Variants in TARBP1 observed in about 807,000 individuals in gnomAD.
TARBP1 encodes the protein tRNA guanosine 2 -O-methyltransferase TARBP1.
Under a neutral mutation model 178.6 loss-of-function variants are expected in TARBP1, and 144 were observed. That is an observed-to-expected ratio of 0.81 (90% CI 0.70 to 0.93). The LOEUF (loss-of-function observed/expected upper bound fraction) is 0.93, where lower values mean the gene tolerates loss of function less well. TARBP1 is among the 40% of genes least tolerant of loss of function. The pLI, the probability that TARBP1 is intolerant of heterozygous loss-of-function variation, is 0.00. For missense variants in TARBP1, 2,067 were observed against 2,011.7 expected, an observed-to-expected ratio of 1.03 and a Z score of -0.53; for synonymous variants, 787 against 781.0, an observed-to-expected ratio of 1.01 and a Z score of -0.13.
chr1:234,466,885 A>C (rs1668495888), intron 4 of TARBP1, among the ~76,000 whole-genome samples: 1 of 152,170 alleles, frequency 6.6e-6, no homozygotes, highest in Non-Finnish European at 1.5e-5. Context: ...AGCTATTGAA[A>C]GAAAAAGAAG....
Position 234,467,590 on chromosome 1 carries a change from T to C in TARBP1, c.1160A>G (p.Glu387Gly). The C allele has an allele frequency of 6.2e-7, 1 of 1,610,308 alleles. No homozygotes were observed. Among genetic ancestry groups the C allele is most frequent in the Non-Finnish European group, 8.5e-7 (1 of 1,179,074 alleles). ...MCIYKRMFES[E>G]NKILSKEGVI... ...ACCTTCTTTGGACAGGATTTTGTTT[T>C]CACTTTCAAACATTCTTTTATAAAT... The change falls in exon 4 of 30, where the codon GAA (glutamate) becomes GGA (glycine). Residue 387 changes from glutamate to glycine, a missense_variant. Glu to Gly is a moderately conservative substitution (Grantham distance 98). Transcript: ENST00000040877.
intron 10 of TARBP1, among the ~76,000 whole-genome samples, chr1:234,448,900 T>C (rs989493403): frequency 2.6e-5 from 4 of 152,134 alleles, no homozygotes; most frequent in Admixed American, 2.6e-4. Flanking sequence ...AATGCAATTA[T>C]AGTGAGGGCT....
At chr1:234,473,075 A>G (rs1396352120) in intron 1 of TARBP1, among the ~76,000 whole-genome samples, 3 of 152,102 alleles carry the variant, frequency 2.0e-5, no homozygotes, top group Admixed American at 2.0e-4. Context: ...GAATCTCACT[A>G]TAACAGTAAA....
intron 8 of TARBP1, 106 bp downstream of exon 8, chr1:234,459,124 C>A: frequency 1.4e-6 from 1 of 700,666 alleles, no homozygotes; most frequent in Non-Finnish European, 2.4e-6. Context: ...TTATTACAAG[C>A]AGGCCTTTCT....
intron 8 of TARBP1, among the ~76,000 whole-genome samples, chr1:234,458,238 G>A (rs777450258): frequency 2.0e-5 from 3 of 152,172 alleles, no homozygotes; most frequent in Non-Finnish European, 4.4e-5. Flanking sequence ...CAGCTACTTG[G>A]GAGGCTGAGG....
At position 234,427,571 on chromosome 1, in the gene TARBP1, T is replaced by C; in HGVS notation, c.3251+5A>G. The C allele has an allele frequency of 6.3e-7, 1 of 1,593,750 alleles. No homozygotes were observed. The stretch of plus-strand genomic sequence containing the variant: ...ATGACCAGTTGAAATAATAGCATCT[T>C]TTACCTTTGATCACGCCTAAACACA... On this transcript the variant is annotated splice_donor_5th_base_variant and intron_variant, in intron 18 of 29. Coordinates refer to ENST00000040877, the MANE Select transcript of TARBP1 (RefSeq NM_005646.4).
At chr1:234,461,572 G>C (rs1667862469) in intron 6 of TARBP1, among the ~76,000 whole-genome samples, 1 of 152,124 alleles carries the variant, frequency 6.6e-6, no homozygotes, top group Non-Finnish European at 1.5e-5. Context: ...CTCCCAAAGT[G>C]CTGAGACTAC....
chr1:234,471,170 A>T lies in TARBP1; in HGVS notation c.1099+18T>A. 6.4e-7 allele frequency: 1 copy of T among 1,558,644 alleles called. No homozygotes were observed. ...AACCATAAATGTTATTAAAAAATAA[A>T]ATAAAAGTAATCGTTACCATTTTCC... On this transcript the variant is annotated intron_variant, in intron 3 of 29. Transcript: ENST00000040877.
intron 8 of TARBP1, among the ~76,000 whole-genome samples, chr1:234,458,062 G>A (rs931529598): frequency 3.3e-5 from 5 of 151,866 alleles, no homozygotes; most frequent in African/African-American, 9.7e-5. Context: ...CAAAATGTGA[G>A]GACAGGCGCG....
intron 25 of TARBP1, among the ~76,000 whole-genome samples, chr1:234,400,495 A>T (rs189903855): frequency 6.6e-6 from 1 of 152,336 alleles, no homozygotes; most frequent in Admixed American, 6.5e-5. Context: ...CACCAAAAAA[A>T]TTGCTTATGC....
In TARBP1 at chr1:234,465,664, C is replaced by G. The variant is rs1558250384; in HGVS notation, c.1293G>C (p.Leu431=). 6.5e-7 allele frequency: 1 copy of G among 1,548,262 alleles called. No homozygotes were observed. Among genetic ancestry groups the G allele is most frequent in the Non-Finnish European group, 8.7e-7 (1 of 1,149,254 alleles). ...ACATAATGTCTCTTTACCTGCTATACAGAGAGCTCTCTGAAAGCGCATCCA... is the reference window on the plus strand; with the variant it reads ...ACATAATGTCTCTTTACCTGCTATAGAGAGAGCTCTCTGAAAGCGCATCCA... The part of the protein sequence containing the change: ...PLMDALSESS[L]YSRSPGQPIG... Residue 431 remains leucine, a synonymous_variant, in exon 5 of 30, where the codon CTG becomes CTC. Coordinates refer to ENST00000040877, the MANE Select transcript of TARBP1 (RefSeq NM_005646.4).
intron 12 of TARBP1, 72 bp from the exon 13 acceptor site, chr1:234,437,444 G>GT: frequency 2.9e-6 from 2 of 686,218 alleles, no homozygotes; most frequent in Non-Finnish European, 4.8e-6. Context: ...AGATATTCTA[G>GT]TAAATGTACA....
In TARBP1 at chr1:234,393,743, C is replaced by T. The variant is rs762281136; in HGVS notation, c.4338G>A (p.Leu1446=). 5 of 1,613,962 alleles carry T rather than the reference C, an allele frequency of 3.1e-6. No homozygotes were observed. The highest frequency in any genetic ancestry group is 4.2e-6 in the Non-Finnish European group (5 of 1,179,998). ...PWNSRVSDLD[L]ELLFQDRAAR... Reference sequence around the variant, plus strand: ...CAGCACGATCCTGAAACAGGAGCTCCAGGTCTAAGTCGGAAACACGACTGT... The same window carrying T: ...CAGCACGATCCTGAAACAGGAGCTCTAGGTCTAAGTCGGAAACACGACTGT... Residue 1446 remains leucine (L), a synonymous_variant, in exon 27 of 30, where the codon CTG becomes CTA. Coordinates refer to ENST00000040877, the MANE Select transcript of TARBP1 (RefSeq NM_005646.4).
At chr1:234,475,586 C>A (rs528774) in intron 1 of TARBP1, among the ~76,000 whole-genome samples, 55,117 of 151,948 alleles carry the variant, frequency 0.36, 10,334 homozygotes, top group Non-Finnish European at 0.39. Flanking sequence ...CCTAAACGCA[C>A]CCCTAAGTTG....
At chr1:234,427,419 A>T in intron 18 of TARBP1, 31 bp from the exon 19 acceptor site, 2 of 1,567,856 alleles carry the variant, frequency 1.3e-6, no homozygotes, top group East Asian at 4.5e-5. Flanking sequence ...ATAAAGAACA[A>T]CAGGTTTTAA....
chr1:234,478,086 C>A, intron 1 of TARBP1, 87 bp downstream of exon 1: 1 of 1,349,328 alleles, frequency 7.4e-7, no homozygotes. Flanking sequence ...GTGACGACCC[C>A]GATAAGCTAG....
chr1:234,410,502 A>C lies in TARBP1; in HGVS notation c.3735T>G (p.Cys1245Trp), dbSNP rs1418074591. Residue 1245 changes from cysteine (C) to tryptophan (W), a missense_variant, in exon 23 of 30, where the codon TGT (cysteine) becomes TGG (tryptophan). By Grantham distance (215) the Cys-to-Trp change is radical. Coordinates refer to ENST00000040877, the MANE Select transcript of TARBP1 (RefSeq NM_005646.4). The stretch of plus-strand genomic sequence containing the variant: ...AATGTGATAAAACTGCTAAAAACGT[A>C]CAAATGCTTGTTTTAAGATTTTCTT... ...YGEENLKTSICTFLAVLSHLD... is the reference protein window; with the variant it reads ...YGEENLKTSIWTFLAVLSHLD... 6.6e-7 allele frequency: 1 copy of C among 1,514,740 alleles called. No individual in the cohort carries two copies. The highest frequency in any genetic ancestry group is 9.1e-7 in the Non-Finnish European group (1 of 1,100,798). 93.8% of individuals were successfully genotyped at this position (1,514,740 alleles called of 1,614,324 possible). A position where few individuals can be genotyped will look rare whatever the true frequency, so the allele number is the denominator to read the frequency against.
chr1:234,428,409 G>A (rs978645732), intron 17 of TARBP1, among the ~76,000 whole-genome samples: 7 of 152,086 alleles, frequency 4.6e-5, no homozygotes, highest in Non-Finnish European at 8.8e-5. Flanking sequence ...TCAAGTATCC[G>A]GGTGAAATGA....
chr1:234,464,501 G>C (rs1490206110), intron 5 of TARBP1, among the ~76,000 whole-genome samples: 2 of 152,110 alleles, frequency 1.3e-5, no homozygotes, highest in Non-Finnish European at 2.9e-5. Context: ...AAATGTGTTT[G>C]TCAACTCTTA....
Sources: gnomAD v4.1 joint callset for allele counts (sites outside exome capture counted in the v4.1 genomes callset) on GRCh38, gnomAD v4.1.1 for gene constraint, MANE v1.5 for transcripts, NCBI Gene and HGNC (gene_info 2026-07-23, HGNC 2026-07-21) for gene names.